The following ITGA1 variants were observed in gnomAD, a reference collection of about 807,000 sequenced individuals.
ITGA1 encodes integrin alpha-1.
A neutral mutation model predicts 145.9 loss-of-function variants in ITGA1; 85 were observed. The ratio of observed to expected loss-of-function variants is 0.58; its 90% CI spans 0.49 to 0.70. The LOEUF (loss-of-function observed/expected upper bound fraction) is 0.70, where lower values mean the gene tolerates loss of function less well. Ranked by LOEUF, ITGA1 falls within the 30% of genes least tolerant of loss-of-function variation. ITGA1 has a pLI of 0.00. For missense variants in ITGA1, 1,351 were observed against 1,418.7 expected (o/e 0.95, Z 0.77); for synonymous variants, 520 against 495.3 (o/e 1.05, Z -0.66).
chr5:52,906,501 A>C (rs1750409961), intron 12 of ITGA1, among the ~76,000 whole-genome samples: 1 of 152,246 alleles, frequency 6.6e-6, no homozygotes, highest in Admixed American at 6.5e-5. Flanking sequence ...ACATGAAATA[A>C]CATTTACATA....
At chr5:52,890,766 A>G (rs1740451551) in intron 8 of ITGA1, among the ~76,000 whole-genome samples, 1 of 152,206 alleles carries the variant, frequency 6.6e-6, no homozygotes, top group African/African-American at 2.4e-5. Flanking sequence ...ATTTTGAAAT[A>G]TACAATATGT....
chr5:52,897,043 A>G (rs1372575139), intron 9 of ITGA1, among the ~76,000 whole-genome samples: 1 of 152,164 alleles, frequency 6.6e-6, no homozygotes, highest in Non-Finnish European at 1.5e-5. Flanking sequence ...TTTCAGTCCC[A>G]TAACATATTA....
intron 1 of ITGA1, 112 bp downstream of exon 1, chr5:52,788,526 CT>C: frequency 1.1e-6 from 1 of 911,332 alleles, no homozygotes; most frequent in Middle Eastern, 2.3e-4. Context: ...CGCCCATCCA[CT>C]TTCGGGCATT....
chr5:52,881,899 C>A lies in ITGA1; in HGVS notation c.651C>A (p.Asn217Lys). Residue 217 changes from asparagine to lysine, a missense_variant, in exon 7 of 29, where the codon AAC (asparagine) becomes AAA (lysine). Coordinates refer to ENST00000282588, the MANE Select transcript of ITGA1 (RefSeq NM_181501.2). ...TTGGAATTGTACAGTATGGAGAAAA[C>A]GTGACCCATGAGTTCAACCTCAATA... ...TQVGIVQYGE[N>K]VTHEFNLNKY... is the part of the protein sequence containing the mutation. 6.2e-7 allele frequency: 1 copy of A among 1,613,306 alleles called. No homozygotes were observed. The highest frequency in any genetic ancestry group is 8.5e-7 in the Non-Finnish European group (1 of 1,179,648).
Position 52,850,974 on chromosome 5 carries a change from A to G in ITGA1, c.182+1489A>G, listed in dbSNP as rs1749423436. 2.0e-5 allele frequency among the ~76,000 whole-genome samples: 3 copies of G among 152,214 alleles called. No individual in the cohort carries two copies. In the South Asian group the frequency reaches 6.2e-4, roughly 31 times the overall value. ...AGACTTTGTGCGTAAGCTATAATAA[A>G]CAGAAATGCAGTACATGTTATTCTT... On this transcript the variant is annotated intron_variant, in intron 2 of 28. Coordinates refer to ENST00000282588, the MANE Select transcript of ITGA1 (RefSeq NM_181501.2).
chr5:52,924,093 A>G (rs373155026), intron 18 of ITGA1, among the ~76,000 whole-genome samples: 1 of 152,284 alleles, frequency 6.6e-6, no homozygotes, highest in South Asian at 2.1e-4. Flanking sequence ...CGTGGCTCCA[A>G]TGGAAGAGAT....
At chr5:52,824,777 C>G (rs1445547802) in intron 1 of ITGA1, 1 of 152,036 alleles carries the variant, frequency 6.6e-6, no homozygotes, top group African/African-American at 2.4e-5. Context: ...GACAGAAGAT[C>G]CTTTAAAAAG....
rs762212013 is a variant in ITGA1 at position 52,947,413 on chromosome 5, T to C, written c.3447T>C (p.Ala1149=). 4 of 1,613,554 alleles carry C rather than the reference T, an allele frequency of 2.5e-6. No homozygotes were observed. The South Asian group carries it at 4.4e-5, about 18-fold the overall frequency. Residue 1149 remains alanine, a synonymous_variant, in exon 28 of 29, where the codon GCT becomes GCC. Coordinates refer to ENST00000282588, the MANE Select transcript of ITGA1 (RefSeq NM_181501.2). ...RVPLWVILLS[A]FAGLLLLMLL... ...CATTATGGGTCATCCTGCTGAGTGCTTTTGCCGGATTGTTGCTGTTAATGC... is the reference window on the plus strand; with the variant it reads ...CATTATGGGTCATCCTGCTGAGTGCCTTTGCCGGATTGTTGCTGTTAATGC...
At position 52,788,426 on chromosome 5, in the gene ITGA1, G is replaced by A; in HGVS notation, c.61+12G>A. On this transcript the variant is annotated intron_variant, in intron 1 of 28. Transcript: ENST00000282588. The stretch of plus-strand genomic sequence containing the variant: ...CTGGCTCCTCACTGGTGAGCGACTC[G>A]CTTTTCTCTGAGCATCTCCTGCTCG... 2 of 1,503,266 alleles carry A rather than the reference G, an allele frequency of 1.3e-6. No homozygotes were observed. Among genetic ancestry groups the A allele is most frequent in the Middle Eastern group, 1.7e-4 (1 of 5,832 alleles). The allele number at this position is 1,503,266 out of a possible 1,614,324, so 93.1% of individuals were successfully genotyped here.
intron 14 of ITGA1, among the ~76,000 whole-genome samples, chr5:52,910,916 CTATA>C (rs1166089771): frequency 1.8e-4 from 25 of 135,202 alleles, no homozygotes; most frequent in African/African-American, 6.8e-4. Context: ...GGTATGTATA[CTATA>C]TATAGTATAT....
At chr5:52,893,266 C>T (rs993293905) in intron 8 of ITGA1, among the ~76,000 whole-genome samples, 4 of 152,138 alleles carry the variant, frequency 2.6e-5, no homozygotes, top group African/African-American at 4.8e-5. Context: ...ATTGCTCATT[C>T]AAAAGCAGGC....
At chr5:52,806,652 C>A (rs1748592916) in intron 1 of ITGA1, among the ~76,000 whole-genome samples, 1 of 152,044 alleles carries the variant, frequency 6.6e-6, no homozygotes, top group Non-Finnish European at 1.5e-5. Flanking sequence ...ACATGTTACA[C>A]TATTATTTCT....
In ITGA1 at chr5:52,918,826, A is replaced by G. The variant is rs776670629; in HGVS notation, c.2083A>G (p.Thr695Ala). 3.1e-6 allele frequency: 5 copies of G among 1,613,038 alleles called. No individual in the cohort carries two copies. The highest frequency in any genetic ancestry group is 4.2e-6 in the Non-Finnish European group (5 of 1,179,518). Residue 695 changes from threonine to alanine, a missense_variant, in exon 16 of 29, where the codon ACA becomes GCA. Physicochemically the swap from Thr to Ala is moderately conservative, Grantham distance 58 (BLOSUM62 0). Transcript: ENST00000282588. Reference protein sequence around the residue: ...KKNCHMEGKETVCINATVCFD... With the variant: ...KKNCHMEGKEAVCINATVCFD... The stretch of plus-strand genomic sequence containing the variant: ...AAACTGCCATATGGAGGGAAAGGAA[A>G]CAGTATGCATAAATGCTACAGTGTG...
intron 1 of ITGA1, among the ~76,000 whole-genome samples, chr5:52,813,759 TCTC>T (rs1297060103): frequency 6.6e-6 from 1 of 152,188 alleles, no homozygotes; most frequent in East Asian, 1.9e-4. Context: ...TATGCCTACA[TCTC>T]CTCCTCTCAT....
At chr5:52,846,123 G>A (rs528254862) in intron 1 of ITGA1, among the ~76,000 whole-genome samples, 44 of 152,218 alleles carry the variant, frequency 2.9e-4, no homozygotes, top group Admixed American at 1.0e-3. Context: ...AATGGCGGCC[G>A]GGCGCAGTGA....
intron 27 of ITGA1, 104 bp from the exon 28 acceptor site, chr5:52,947,241 C>T (rs999552356): frequency 2.3e-5 from 16 of 687,218 alleles, no homozygotes; most frequent in Non-Finnish European, 2.9e-5. Flanking sequence ...TATATAGTAA[C>T]GAGATTAATG....
At chr5:52,827,657 A>G (rs532869949) in intron 1 of ITGA1, among the ~76,000 whole-genome samples, 3 of 152,316 alleles carry the variant, frequency 2.0e-5, no homozygotes, top group Non-Finnish European at 4.4e-5. Context: ...ATTCTGAGAA[A>G]TTGCCAGAGC....
At chr5:52,856,281 T>G (rs1749510072) in intron 2 of ITGA1, among the ~76,000 whole-genome samples, 2 of 152,182 alleles carry the variant, frequency 1.3e-5, no homozygotes, top group African/African-American at 4.8e-5. Flanking sequence ...CTCCCTTTCC[T>G]TCTGCCTTAC....
intron 9 of ITGA1, among the ~76,000 whole-genome samples, chr5:52,894,176 G>A (rs1427801903): frequency 6.6e-6 from 1 of 151,994 alleles, no homozygotes. Flanking sequence ...GAAAATGAGG[G>A]TACTACCTCT....
Sources: gnomAD v4.1 joint callset for allele counts (sites outside exome capture counted in the v4.1 genomes callset) on GRCh38, gnomAD v4.1.1 for gene constraint, MANE v1.5 for transcripts, NCBI Gene and HGNC (gene_info 2026-07-23, HGNC 2026-07-21) for gene names.